The following LHFPL6 variants were observed in gnomAD, a reference collection of about 807,000 sequenced individuals.
The protein encoded by LHFPL6 is LHFPL tetraspan subfamily member 6.
LHFPL6 carries 9 observed loss-of-function variants against 20.6 expected under a neutral mutation model. The observed-to-expected ratio is 0.44, with a 90% CI of 0.26 to 0.76. The LOEUF is 0.76. Among genes scored for constraint, LHFPL6 ranks in the 30% least tolerant of loss-of-function variants. LHFPL6 has a pLI of 0.20. For synonymous variants in LHFPL6, 105 were observed against 98.7 expected, an observed-to-expected ratio of 1.06 and a Z score of -0.38; for missense variants, 218 against 253.5, an observed-to-expected ratio of 0.86 and a Z score of 0.95.
intron 2 of LHFPL6, among the ~76,000 whole-genome samples, chr13:39,581,546 AAG>A (rs1353742506): frequency 1.3e-4 from 18 of 133,808 alleles, no homozygotes; most frequent in South Asian, 2.6e-4. Context: ...AAAAAAAAAA[AAG>A]AAGAAGAAGA....
At chr13:39,430,100 C>T (rs1392215303) in intron 2 of LHFPL6, among the ~76,000 whole-genome samples, 1 of 152,242 alleles carries the variant, frequency 6.6e-6, no homozygotes, top group East Asian at 1.9e-4. Flanking sequence ...GTGATCTCAT[C>T]CTTCTTGTGG....
At chr13:39,344,430 A>G (rs1869336016) in intron 3 of LHFPL6, among the ~76,000 whole-genome samples, 3 of 152,144 alleles carry the variant, frequency 2.0e-5, no homozygotes, top group Admixed American at 6.5e-5. Flanking sequence ...AAAAATATAA[A>G]TGTTGATGCA....
At chr13:39,425,835 A>T (rs1024447023) in intron 2 of LHFPL6, among the ~76,000 whole-genome samples, 4 of 151,708 alleles carry the variant, frequency 2.6e-5, no homozygotes. Context: ...TCTCCTTTTT[A>T]AAAAAAATAT....
intron 2 of LHFPL6, among the ~76,000 whole-genome samples, chr13:39,473,837 C>T (rs1430200998): frequency 1.3e-5 from 2 of 152,186 alleles, no homozygotes; most frequent in East Asian, 1.9e-4. Flanking sequence ...TTCAGAATCT[C>T]CTTTGGATTC....
chr13:39,533,816 C>T (rs1362805054), intron 2 of LHFPL6, among the ~76,000 whole-genome samples: 11 of 152,306 alleles, frequency 7.2e-5, no homozygotes, highest in African/African-American at 1.7e-4. Context: ...TGCCACCATA[C>T]ACAACATTCC....
chr13:39,542,107 T>A (rs1870824730), intron 2 of LHFPL6, among the ~76,000 whole-genome samples: 1 of 139,304 alleles, frequency 7.2e-6, no homozygotes, highest in African/African-American at 2.9e-5. Context: ...ATAATAATAA[T>A]AATAATAATA....
chr13:39,583,980 G>T (rs1250867088), intron 2 of LHFPL6, among the ~76,000 whole-genome samples: 1 of 152,054 alleles, frequency 6.6e-6, no homozygotes, highest in Non-Finnish European at 1.5e-5. Flanking sequence ...TCCGTGTCAG[G>T]CCTCGACTCC....
chr13:39,594,495 A>C (rs1593378077), intron 2 of LHFPL6, among the ~76,000 whole-genome samples: 1 of 152,240 alleles, frequency 6.6e-6, no homozygotes, highest in African/African-American at 2.4e-5. Context: ...GTGGAGAAAT[A>C]GGAACAGTTT....
chr13:39,596,356 T>C (rs191370645), intron 2 of LHFPL6, among the ~76,000 whole-genome samples: 288 of 152,272 alleles, frequency 1.9e-3, no homozygotes, highest in African/African-American at 6.8e-3. Context: ...AGTCTCATCT[T>C]CTTAAATAGG....
chr13:39,562,133 C>G (rs972789946), intron 2 of LHFPL6, among the ~76,000 whole-genome samples: 2 of 152,056 alleles, frequency 1.3e-5, no homozygotes, highest in African/African-American at 4.8e-5. Flanking sequence ...GATTAGCAGC[C>G]ACTCTGCTTT....
At chr13:39,563,241 A>C (rs1451049324) in intron 2 of LHFPL6, among the ~76,000 whole-genome samples, 2 of 152,152 alleles carry the variant, frequency 1.3e-5, no homozygotes, top group Non-Finnish European at 2.9e-5. Context: ...TAAACTAAAA[A>C]TAAAAGGGAG....
intron 2 of LHFPL6, among the ~76,000 whole-genome samples, chr13:39,524,925 A>C (rs1870240512): frequency 6.6e-6 from 1 of 152,256 alleles, no homozygotes; most frequent in Non-Finnish European, 1.5e-5. Flanking sequence ...TAAAATCAGC[A>C]AAGGAAATAA....
rs149300192 is a variant in LHFPL6, at chr13:39,581,167, T to C, written c.385+19665A>G. On this transcript the variant is annotated intron_variant, in intron 2 of 3. Transcript: ENST00000379589. ...GCTAAATAAGGAAAGTATAGAGAAA[T>C]GAAAATATTTCCCTGGTCCAATATT... Among the ~76,000 whole-genome samples the C allele has an allele frequency of 9.0e-3, 1,368 of 152,272 alleles. 14 individuals carry two copies. Among genetic ancestry groups the C allele is most frequent in the Non-Finnish European group, 0.014 (937 of 68,008 alleles).
chr13:39,438,807 G>T (rs1032853644), intron 2 of LHFPL6, among the ~76,000 whole-genome samples: 8 of 152,220 alleles, frequency 5.3e-5, no homozygotes, highest in African/African-American at 1.9e-4. Context: ...TAAACCTGCA[G>T]GTATGCAGAG....
rs77763084 is a variant in LHFPL6 at position 39,525,613 on chromosome 13, A to G, written c.385+75219T>C. On this transcript the variant is annotated intron_variant, in intron 2 of 3. Transcript: ENST00000379589. ...CCAGTAAATTCACTTAAGGACCTGCATAGCCTTGCATCTTCTTTTTGACCT... is the reference window on the plus strand; with the variant it reads ...CCAGTAAATTCACTTAAGGACCTGCGTAGCCTTGCATCTTCTTTTTGACCT... 1.5e-4 allele frequency among the ~76,000 whole-genome samples: 23 copies of G among 152,276 alleles called. No homozygotes were observed. In the East Asian group the frequency reaches 3.5e-3, roughly 23 times the overall value.
intron 2 of LHFPL6, among the ~76,000 whole-genome samples, chr13:39,387,848 C>A (rs1488241759): frequency 2.6e-5 from 4 of 152,168 alleles, no homozygotes; most frequent in East Asian, 3.9e-4. Context: ...TTTCCAGTCA[C>A]CATTTGTCTA....
At chr13:39,586,382 T>C (rs907554055) in intron 2 of LHFPL6, among the ~76,000 whole-genome samples, 2 of 152,178 alleles carry the variant, frequency 1.3e-5, no homozygotes, top group African/African-American at 4.8e-5. Context: ...AAATCAGAGA[T>C]ATGCACATTG....
intron 2 of LHFPL6, among the ~76,000 whole-genome samples, chr13:39,575,498 C>T (rs1462611002): frequency 1.3e-5 from 2 of 152,162 alleles, no homozygotes; most frequent in African/African-American, 4.8e-5. Flanking sequence ...CAACTCCTTG[C>T]TAATTTACTA....
At position 39,380,099 on chromosome 13, in the gene LHFPL6, C is replaced by T. The variant is rs190508900; in HGVS notation, c.386-1573G>A. 3.2e-3 allele frequency among the ~76,000 whole-genome samples: 486 copies of T among 152,222 alleles called. 3 individuals are homozygous for T. Among genetic ancestry groups the T allele is most frequent in the African/African-American group, 0.011 (468 of 41,506 alleles). On this transcript the variant is annotated intron_variant, in intron 2 of 3. Coordinates refer to ENST00000379589, the MANE Select transcript of LHFPL6 (RefSeq NM_005780.3). ...GACAACTCCAAACTAGTTTTGGGCA[C>T]CATTAAGTAAAGAAATTATTAATGA...
Sources: allele counts gnomAD v4.1 joint callset (sites outside exome capture counted in the v4.1 genomes callset), GRCh38; gene constraint gnomAD v4.1.1; transcripts MANE v1.5; gene names NCBI Gene and HGNC (gene_info 2026-07-23, HGNC 2026-07-21).